The following FOXP1 variants were observed in gnomAD, a reference collection of about 807,000 sequenced individuals.
FOXP1 encodes the protein forkhead box protein P1.
FOXP1 carries 15 observed loss-of-function variants against 98.2 expected under a neutral mutation model. The observed-to-expected ratio is 0.15, with a 90% CI of 0.10 to 0.24. The LOEUF is 0.24. Ranked by LOEUF, FOXP1 falls within the 10% of genes least tolerant of loss-of-function variation. FOXP1 has a pLI of 1.00. For synonymous variants in FOXP1, 371 were observed against 314.5 expected (o/e 1.18, Z -1.90); for missense variants, 633 against 848.5 (o/e 0.75, Z 3.15).
At chr3:70,964,824 A>C (rs967348471) in intron 20 of FOXP1, among the ~76,000 whole-genome samples, 1 of 152,212 alleles carries the variant, frequency 6.6e-6, no homozygotes, top group Admixed American at 6.5e-5. Flanking sequence ...CTAGAAAATC[A>C]AATTTCAGAT....
At chr3:71,242,673 C>T (rs1401923168) in intron 5 of FOXP1, among the ~76,000 whole-genome samples, 2 of 151,300 alleles carry the variant, frequency 1.3e-5, no homozygotes, top group African/African-American at 4.9e-5. Flanking sequence ...CATTTCTTAA[C>T]AACGTACCCC....
intron 12 of FOXP1, among the ~76,000 whole-genome samples, chr3:71,010,338 T>C (rs892411832): frequency 2.0e-4 from 30 of 152,160 alleles, no homozygotes; most frequent in African/African-American, 7.2e-4. Flanking sequence ...ACTCCACCTC[T>C]TATTAGCTGT....
At chr3:71,498,949 T>C (rs919077789) in intron 2 of FOXP1, among the ~76,000 whole-genome samples, 2 of 152,136 alleles carry the variant, frequency 1.3e-5, no homozygotes. Context: ...AGGAAGGAGT[T>C]CATTTCCCAC....
At chr3:71,123,790 T>G (rs2058953824) in intron 6 of FOXP1, among the ~76,000 whole-genome samples, 1 of 152,214 alleles carries the variant, frequency 6.6e-6, no homozygotes, top group Non-Finnish European at 1.5e-5. Flanking sequence ...GGAGGTGGTA[T>G]GGGTGCTAAA....
chr3:71,410,622 T>G (rs2082659741), intron 3 of FOXP1, among the ~76,000 whole-genome samples: 1 of 152,198 alleles, frequency 6.6e-6, no homozygotes, highest in Admixed American at 6.5e-5. Flanking sequence ...CCAAAGGAAT[T>G]ATGAAACAAA....
intron 9 of FOXP1, among the ~76,000 whole-genome samples, chr3:71,048,077 G>A (rs1160221157): frequency 6.6e-6 from 1 of 152,052 alleles, no homozygotes; most frequent in Non-Finnish European, 1.5e-5. Context: ...TCGAGGTGGA[G>A]GTCTTAGCCA....
At chr3:71,093,721 C>T (rs1322162933) in intron 7 of FOXP1, among the ~76,000 whole-genome samples, 3 of 151,750 alleles carry the variant, frequency 2.0e-5, no homozygotes, top group Non-Finnish European at 4.4e-5. Context: ...ATCACTAAGC[C>T]TCTGGTCTGT....
chr3:71,430,434 A>G (rs2084602345), intron 3 of FOXP1, among the ~76,000 whole-genome samples: 1 of 151,936 alleles, frequency 6.6e-6, no homozygotes, highest in Admixed American at 6.6e-5. Flanking sequence ...TCTGGAATGG[A>G]TTCAGTAACA....
At chr3:71,216,604 G>C (rs1025985051) in intron 5 of FOXP1, among the ~76,000 whole-genome samples, 1 of 152,110 alleles carries the variant, frequency 6.6e-6, no homozygotes, top group East Asian at 1.9e-4. Context: ...AGATGGGATA[G>C]GACCAGCACC....
At chr3:71,555,199 C>CAA (rs1420177265) in intron 2 of FOXP1, among the ~76,000 whole-genome samples, 1 of 152,180 alleles carries the variant, frequency 6.6e-6, no homozygotes, top group Non-Finnish European at 1.5e-5. Flanking sequence ...CGGGACTTCT[C>CAA]AGCCTTTATT....
At position 71,558,410 on chromosome 3, in the gene FOXP1, C is replaced by G. The variant is rs749045306; in HGVS notation, c.-298+23139G>C. Reference sequence around the variant, plus strand: ...TATCTACTCACAGGAATAAGCAATTCGGGCTAAGATGGCAGAAAGTTTTCT... The same window carrying G: ...TATCTACTCACAGGAATAAGCAATTGGGGCTAAGATGGCAGAAAGTTTTCT... On this transcript the variant is annotated intron_variant, in intron 2 of 20. Transcript: ENST00000649528. Among the ~76,000 whole-genome samples the G allele has an allele frequency of 4.9e-4, 75 of 152,238 alleles. 1 individual carries two copies. The highest frequency in any genetic ancestry group is 1.0e-3 in the Admixed American group (16 of 15,298).
intron 6 of FOXP1, among the ~76,000 whole-genome samples, chr3:71,124,463 A>C (rs188289634): frequency 0.016 from 2,437 of 152,018 alleles, 81 homozygotes; most frequent in African/African-American, 0.056. Context: ...AAATAACTAC[A>C]ATAGTTAAAT....
intron 11 of FOXP1, among the ~76,000 whole-genome samples, chr3:71,040,821 C>T (rs2048244014): frequency 6.6e-6 from 1 of 152,180 alleles, no homozygotes; most frequent in Non-Finnish European, 1.5e-5. Context: ...TCCTCCAAAC[C>T]TTCACTCAGA....
At chr3:71,328,976 A>AAAAAAAAAC (rs2076102374) in intron 4 of FOXP1, among the ~76,000 whole-genome samples, 1 of 67,202 alleles carries the variant, frequency 1.5e-5, no homozygotes, top group Non-Finnish European at 4.0e-5. Context: ...CATCTCGCTA[A>AAAAAAAAAC]AAAAAAAAAA....
At chr3:70,983,102 G>C (rs1039672380) in intron 14 of FOXP1, among the ~76,000 whole-genome samples, 4 of 152,214 alleles carry the variant, frequency 2.6e-5, no homozygotes, top group Admixed American at 2.0e-4. Context: ...ACCAGGCCGT[G>C]CGGAGGGCAG....
chr3:71,181,691 C>A (rs979892109), intron 6 of FOXP1, among the ~76,000 whole-genome samples: 1 of 152,112 alleles, frequency 6.6e-6, no homozygotes, highest in Non-Finnish European at 1.5e-5. Flanking sequence ...TAAGCCCACA[C>A]AGACTGGGAA....
chr3:71,188,083 A>T (rs937317537), intron 6 of FOXP1, among the ~76,000 whole-genome samples: 1 of 152,202 alleles, frequency 6.6e-6, no homozygotes, highest in Non-Finnish European at 1.5e-5. Context: ...TTATTTTGTT[A>T]ATTTTTTCCA....
At chr3:70,988,806 C>G (rs987719355) in intron 13 of FOXP1, among the ~76,000 whole-genome samples, 1 of 152,214 alleles carries the variant, frequency 6.6e-6, no homozygotes, top group African/African-American at 2.4e-5. Context: ...ACTGCTTTAA[C>G]TCGATATTTT....
chr3:71,005,314 TAAAAAAAAAAA>T (rs60664354), intron 12 of FOXP1, among the ~76,000 whole-genome samples: 1 of 25,260 alleles, frequency 4.0e-5, no homozygotes, highest in Admixed American at 8.4e-4. Flanking sequence ...ATACCTGATT[TAAAAAAAAAAA>T]AAAAAAAAAA....
Sources: gnomAD v4.1 joint callset for allele counts (sites outside exome capture counted in the v4.1 genomes callset) on GRCh38, gnomAD v4.1.1 for gene constraint, MANE v1.5 for transcripts, NCBI Gene and HGNC (gene_info 2026-07-23, HGNC 2026-07-21) for gene names.